Variants in GRM1 observed in about 807,000 individuals in gnomAD.
GRM1 encodes metabotropic glutamate receptor 1.
GRM1 carries 33 observed loss-of-function variants against 90.9 expected under a neutral mutation model. That is an observed-to-expected ratio of 0.36 (90% CI 0.28 to 0.49). The LOEUF (loss-of-function observed/expected upper bound fraction) is 0.49. Ranked by LOEUF, GRM1 falls within the 20% of genes least tolerant of loss-of-function variation. The pLI is 0.99. For missense variants in GRM1, 1,190 were observed against 1,534.3 expected, an observed-to-expected ratio of 0.78 and a Z score of 3.75; for synonymous variants, 700 against 613.2, an observed-to-expected ratio of 1.14 and a Z score of -2.09.
chr6:146,413,077 G>A (rs1232079353), intron 7 of GRM1, among the ~76,000 whole-genome samples: 1 of 151,948 alleles, frequency 6.6e-6, no homozygotes, highest in Non-Finnish European at 1.5e-5. Context: ...AAAGTTCATG[G>A]GACTAAAACT....
intron 2 of GRM1, among the ~76,000 whole-genome samples, chr6:146,279,451 T>C (rs568927393): frequency 2.6e-5 from 4 of 152,306 alleles, no homozygotes; most frequent in Non-Finnish European, 4.4e-5. Flanking sequence ...CATTTAGAGA[T>C]ATAAAAATTT....
chr6:146,215,430 C>A (rs1161006961), intron 2 of GRM1, among the ~76,000 whole-genome samples: 1 of 151,958 alleles, frequency 6.6e-6, no homozygotes, highest in East Asian at 1.9e-4. Flanking sequence ...CTCCATCATA[C>A]TTCCTAATAT....
intron 5 of GRM1, among the ~76,000 whole-genome samples, chr6:146,383,980 A>G (rs1287597524): frequency 1.1e-4 from 17 of 152,110 alleles, no homozygotes; most frequent in Admixed American, 1.1e-3. Context: ...AGGGAAACAA[A>G]CAAGGTGAAC....
At chr6:146,192,989 G>A (rs1368086760) in intron 2 of GRM1, among the ~76,000 whole-genome samples, 1 of 152,016 alleles carries the variant, frequency 6.6e-6, no homozygotes, top group Non-Finnish European at 1.5e-5. Flanking sequence ...TAGAGTTCAT[G>A]GTAGAGGCAA....
At chr6:146,110,320 A>T (rs1191924997) in intron 1 of GRM1, among the ~76,000 whole-genome samples, 1 of 152,076 alleles carries the variant, frequency 6.6e-6, no homozygotes, top group Non-Finnish European at 1.5e-5. Flanking sequence ...ATGATAGTGA[A>T]TGAGTCTCAT....
At chr6:146,430,799 A>G (rs2300632) in intron 7 of GRM1, among the ~76,000 whole-genome samples, 12,018 of 152,252 alleles carry the variant, frequency 0.079, 915 homozygotes, top group African/African-American at 0.2. Flanking sequence ...ATTACTAAAT[A>G]TACCTCTCTT....
rs558156432 is a variant in GRM1 at position 146,094,524 on chromosome 6, A to C, written c.700+64307A>C. ...TTACTCGATTTTCTTTACTATTTTA[A>C]TTATACTATTTGGTAACACTAGCAA... On this transcript the variant is annotated intron_variant, in intron 1 of 7. Coordinates refer to ENST00000282753, the MANE Select transcript of GRM1 (RefSeq NM_001278064.2). Among the ~76,000 whole-genome samples, 11 of 152,266 alleles carry C rather than the reference A, an allele frequency of 7.2e-5. No individual in the cohort carries two copies. In the East Asian group the frequency reaches 1.7e-3, roughly 24 times the overall value.
intron 2 of GRM1, among the ~76,000 whole-genome samples, chr6:146,189,360 T>C (rs1218243562): frequency 6.6e-6 from 1 of 152,192 alleles, no homozygotes; most frequent in Non-Finnish European, 1.5e-5. Flanking sequence ...CACTATGACA[T>C]CCTGCTGCTT....
chr6:146,097,597 G>T (rs997969952), intron 1 of GRM1, among the ~76,000 whole-genome samples: 1 of 152,162 alleles, frequency 6.6e-6, no homozygotes, highest in Non-Finnish European at 1.5e-5. Flanking sequence ...TGTTCTCAAA[G>T]TTGGGTTCCA....
At chr6:146,190,612 A>G (rs528522821) in intron 2 of GRM1, among the ~76,000 whole-genome samples, 1 of 152,296 alleles carries the variant, frequency 6.6e-6, no homozygotes, top group East Asian at 1.9e-4. Context: ...AAGTAACTTA[A>G]AAAGTAAAAA....
intron 1 of GRM1, among the ~76,000 whole-genome samples, chr6:146,090,166 G>A (rs1339373438): frequency 6.6e-6 from 1 of 152,010 alleles, no homozygotes; most frequent in African/African-American, 2.4e-5. Flanking sequence ...TCCAAGCCCT[G>A]TTTTTTGGTT....
At chr6:146,392,869 T>C (rs869048011) in intron 6 of GRM1, among the ~76,000 whole-genome samples, 1 of 152,174 alleles carries the variant, frequency 6.6e-6, no homozygotes, top group African/African-American at 2.4e-5. Context: ...ATTAACTCAT[T>C]CTTTTTATAT....
intron 2 of GRM1, among the ~76,000 whole-genome samples, chr6:146,256,913 G>A (rs535724510): frequency 7.2e-5 from 11 of 152,186 alleles, no homozygotes; most frequent in Admixed American, 2.6e-4. Context: ...CTACTGCAAC[G>A]TCTAATTTCC....
At chr6:146,400,589 G>A (rs575210457) in intron 7 of GRM1, among the ~76,000 whole-genome samples, 4 of 152,040 alleles carry the variant, frequency 2.6e-5, no homozygotes, top group African/African-American at 9.6e-5. Context: ...TTGAGAAGAA[G>A]CATATGTTAA....
At chr6:146,045,640 A>G (rs935562731) in intron 1 of GRM1, among the ~76,000 whole-genome samples, 1 of 150,328 alleles carries the variant, frequency 6.7e-6, no homozygotes, top group African/African-American at 2.4e-5. Context: ...AAGATGATCG[A>G]TTATTTATTC....
intron 7 of GRM1, among the ~76,000 whole-genome samples, chr6:146,419,901 A>T (rs1562687775): frequency 6.6e-6 from 1 of 152,148 alleles, no homozygotes; most frequent in Non-Finnish European, 1.5e-5. Context: ...TTTGGGTGGG[A>T]CAGAGAGCCA....
At chr6:146,224,955 G>T (rs1024985662) in intron 2 of GRM1, among the ~76,000 whole-genome samples, 5 of 152,128 alleles carry the variant, frequency 3.3e-5, no homozygotes, top group African/African-American at 1.2e-4. Context: ...ATTCTGTGGA[G>T]ACCTTCTCCC....
chr6:146,300,717 G>A (rs1166982367), intron 2 of GRM1, among the ~76,000 whole-genome samples: 9 of 152,166 alleles, frequency 5.9e-5, no homozygotes, highest in Admixed American at 5.2e-4. Flanking sequence ...TGCTGTCTGA[G>A]GCTGGGTCAC....
At chr6:146,122,965 C>T (rs1776053097) in intron 1 of GRM1, among the ~76,000 whole-genome samples, 1 of 150,872 alleles carries the variant, frequency 6.6e-6, no homozygotes, top group Non-Finnish European at 1.5e-5. Context: ...CTGCCTCAGG[C>T]TCCTGAGTAG....
Sources: gnomAD v4.1 joint callset for allele counts (sites outside exome capture counted in the v4.1 genomes callset) on GRCh38, gnomAD v4.1.1 for gene constraint, MANE v1.5 for transcripts, NCBI Gene and HGNC (gene_info 2026-07-23, HGNC 2026-07-21) for gene names.